The following CSMD1 variants were observed in gnomAD, a reference collection of about 807,000 sequenced individuals.
CSMD1 encodes CUB and Sushi multiple domains 1, also known as CUB and sushi domain-containing protein 1.
CSMD1 carries 213 observed loss-of-function variants against 417.5 expected under a neutral mutation model. The ratio of observed to expected loss-of-function variants is 0.51; its 90% CI spans 0.46 to 0.57. The LOEUF is 0.57. Ranked by LOEUF, CSMD1 falls within the 20% of genes least tolerant of loss-of-function variation. The pLI is 0.00. For missense variants in CSMD1, 6,923 were observed against 4,529.7 expected (o/e 1.53, Z -15.17); for synonymous variants, 2,862 against 1,736.8 (o/e 1.65, Z -16.11).
chr8:3,855,472 G>A (rs957187677), intron 5 of CSMD1, among the ~76,000 whole-genome samples: 2 of 152,136 alleles, frequency 1.3e-5, no homozygotes, highest in African/African-American at 4.8e-5. Flanking sequence ...GGTGAAATGT[G>A]CTAGTTATGA....
chr8:4,994,799 C>T lies in CSMD1; in HGVS notation c.-383G>A. ...AGGAGGCAGCTGGAGAGAGAGCCAG[C>T]GAGTGGGAGATGCGGGGAGGGGGGC... On this transcript the variant is annotated 5_prime_UTR_variant, in exon 1 of 70. Transcript: ENST00000635120. The T allele has an allele frequency of 5.7e-6, 1 of 174,528 alleles. No homozygotes were observed. The highest frequency in any genetic ancestry group is 1.2e-5 in the Non-Finnish European group (1 of 86,512). 10.8% of individuals were successfully genotyped at this position (174,528 alleles called of 1,614,324 possible).
At chr8:4,354,991 G>C (rs144922731) in intron 3 of CSMD1, among the ~76,000 whole-genome samples, 3 of 151,538 alleles carry the variant, frequency 2.0e-5, no homozygotes, top group African/African-American at 7.3e-5. Context: ...GGCCAGGCAC[G>C]GTGGCTCACG....
intron 1 of CSMD1, among the ~76,000 whole-genome samples, chr8:4,808,553 C>T (rs1204526879): frequency 1.3e-5 from 2 of 152,152 alleles, no homozygotes; most frequent in African/African-American, 4.8e-5. Flanking sequence ...AGTGATACAA[C>T]TTAATATGTT....
chr8:3,332,822 A>G (rs942540676), intron 23 of CSMD1, among the ~76,000 whole-genome samples: 5 of 152,338 alleles, frequency 3.3e-5, no homozygotes, highest in African/African-American at 9.6e-5. Context: ...CCCTGGATGT[A>G]TGAATGATTC....
At chr8:3,985,781 A>G (rs1481388049) in intron 5 of CSMD1, among the ~76,000 whole-genome samples, 1 of 147,582 alleles carries the variant, frequency 6.8e-6, no homozygotes, top group Non-Finnish European at 1.5e-5. Flanking sequence ...TTTGAGATGG[A>G]GTCTCACCCT....
intron 2 of CSMD1, among the ~76,000 whole-genome samples, chr8:4,515,298 T>C (rs148131696): frequency 2.1e-4 from 32 of 152,330 alleles, no homozygotes; most frequent in Middle Eastern, 3.4e-3. Flanking sequence ...GTGGCTCATG[T>C]ACTCAGAGAA....
chr8:3,501,132 T>C (rs1796582448), intron 10 of CSMD1, among the ~76,000 whole-genome samples: 1 of 152,218 alleles, frequency 6.6e-6, no homozygotes, highest in African/African-American at 2.4e-5. Flanking sequence ...TCATTTGATA[T>C]GGGTCCATTC....
intron 49 of CSMD1, 115 bp from the exon 50 acceptor site, chr8:3,052,762 A>C: frequency 1.3e-6 from 1 of 772,252 alleles, no homozygotes; most frequent in Non-Finnish European, 1.9e-6. Context: ...AAAATTGTGA[A>C]TTATATTTCT....
chr8:4,952,464 A>G (rs984042057), intron 1 of CSMD1, among the ~76,000 whole-genome samples: 11 of 152,078 alleles, frequency 7.2e-5, no homozygotes, highest in Admixed American at 5.9e-4. Flanking sequence ...ACCTATGTCT[A>G]AAAGAAAAGG....
At position 3,493,653 on chromosome 8, in the gene CSMD1, T is replaced by C. The variant is rs771524637; in HGVS notation, c.1418A>G (p.Lys473Arg). The C allele has an allele frequency of 1.2e-6, 2 of 1,611,990 alleles. No individual in the cohort carries two copies. Among genetic ancestry groups the C allele is most frequent in the Non-Finnish European group, 1.7e-6 (2 of 1,179,204 alleles). Residue 473 changes from lysine (K) to arginine (R), a missense_variant, in exon 11 of 70, where the codon AAG becomes AGG. Physicochemically the swap from Lys to Arg is conservative, Grantham distance 26. Coordinates refer to ENST00000635120, the MANE Select transcript of CSMD1 (RefSeq NM_033225.6). ...YDTLTVGDAG[K>R]VGDTRSVLYV... ...CAAGACCGATCTGGTGTCTCCCACC[T>C]TCCCAGCATCACCAACCGTCAGGGT...
At chr8:3,599,641 T>C (rs902667340) in intron 8 of CSMD1, among the ~76,000 whole-genome samples, 2 of 152,376 alleles carry the variant, frequency 1.3e-5, no homozygotes, top group East Asian at 1.9e-4. Context: ...CCTAGGTTTA[T>C]TCATCCTATG....
At chr8:4,687,072 G>A (rs1016261981) in intron 1 of CSMD1, among the ~76,000 whole-genome samples, 14 of 152,200 alleles carry the variant, frequency 9.2e-5, no homozygotes, top group African/African-American at 2.9e-4. Context: ...AGCTTCAGGC[G>A]AGCCGGCCCC....
intron 1 of CSMD1, among the ~76,000 whole-genome samples, chr8:4,653,819 CT>C: frequency 6.6e-6 from 1 of 152,222 alleles, no homozygotes; most frequent in Non-Finnish European, 1.5e-5. Flanking sequence ...AATAACTAAT[CT>C]TTATCAAGTG....
chr8:3,240,730 G>T (rs1169749191), intron 26 of CSMD1, among the ~76,000 whole-genome samples: 1 of 152,094 alleles, frequency 6.6e-6, no homozygotes, highest in East Asian at 1.9e-4. Context: ...GGTTGTGGAG[G>T]GAGGTATCGA....
At chr8:4,136,539 C>A (rs995489741) in intron 3 of CSMD1, among the ~76,000 whole-genome samples, 1 of 152,326 alleles carries the variant, frequency 6.6e-6, no homozygotes, top group East Asian at 1.9e-4. Flanking sequence ...TTCAATGACT[C>A]TCAGCAAAAG....
intron 3 of CSMD1, among the ~76,000 whole-genome samples, chr8:4,365,918 A>T (rs1040356093): frequency 1.3e-5 from 2 of 152,022 alleles, no homozygotes; most frequent in African/African-American, 4.8e-5. Context: ...AAGTTTTATT[A>T]TTTTTTTCTT....
chr8:3,611,682 C>A (rs923210261), intron 8 of CSMD1, among the ~76,000 whole-genome samples: 4 of 152,082 alleles, frequency 2.6e-5, no homozygotes, highest in Non-Finnish European at 4.4e-5. Context: ...TCAATGCTTT[C>A]AGATCCTCCT....
intron 3 of CSMD1, among the ~76,000 whole-genome samples, chr8:4,127,082 A>ATT (rs112362858): frequency 2.1e-4 from 32 of 151,790 alleles, no homozygotes; most frequent in African/African-American, 3.6e-4. Flanking sequence ...ATCTCCTGTG[A>ATT]TTTTTTTTAA....
At chr8:4,355,747 A>G (rs1157442797) in intron 3 of CSMD1, among the ~76,000 whole-genome samples, 1 of 152,206 alleles carries the variant, frequency 6.6e-6, no homozygotes, top group East Asian at 1.9e-4. Context: ...TTCCCCCTGC[A>G]TGAAGCTCTG....
Sources: allele counts gnomAD v4.1 joint callset (sites outside exome capture counted in the v4.1 genomes callset), GRCh38; gene constraint gnomAD v4.1.1; transcripts MANE v1.5; gene names NCBI Gene and HGNC (gene_info 2026-07-23, HGNC 2026-07-21).